GOLPH3L: variants seen among roughly 807,000 people sequenced by gnomAD.
GOLPH3L encodes golgi phosphoprotein 3 like.
A neutral mutation model predicts 30.3 loss-of-function variants in GOLPH3L; 22 were observed. The ratio of observed to expected loss-of-function variants is 0.73; its 90% confidence interval spans 0.52 to 1.04. The LOEUF is 1.04. GOLPH3L is among the 50% of genes least tolerant of loss of function. GOLPH3L has a pLI of 0.00. For missense variants in GOLPH3L, 303 were observed against 345.8 expected, an observed-to-expected ratio of 0.88 and a Z score of 0.98; for synonymous variants, 120 against 128.2, an observed-to-expected ratio of 0.94 and a Z score of 0.43.
chr1:150,680,185 A>C (rs1001027685), intron 2 of GOLPH3L, among the ~76,000 whole-genome samples: 4 of 152,176 alleles, frequency 2.6e-5, no homozygotes, highest in Non-Finnish European at 5.9e-5. Flanking sequence ...CAAAGAGTGC[A>C]GATCTAAGAC....
Position 150,678,942 on chromosome 1 carries a change from C to CA in GOLPH3L, c.184-15180dup, listed in dbSNP as rs587688303. 2.7e-3 allele frequency among the ~76,000 whole-genome samples: 412 copies of CA among 151,810 alleles called. 2 individuals are homozygous for CA. Among genetic ancestry groups the CA allele is most frequent in the Non-Finnish European group, 2.8e-3 (187 of 67,926 alleles). ...CTGGCGAGGGAGCAAGGCTCCGTCT[C>CA]AAAAAAACAAAAAGTTTAAGAATAT... On this transcript the variant is annotated intron_variant, in intron 2 of 4. Coordinates refer to ENST00000271732, the MANE Select transcript of GOLPH3L (RefSeq NM_018178.6).
rs57920857 is a variant in GOLPH3L, at chr1:150,658,241, A to C, written c.430+3573T>G. On this transcript the variant is annotated intron_variant, in intron 4 of 4. Transcript: ENST00000271732. ...CCACCCACCTGAGGGCAGATCAAGAAGCTGTCACAGATGGAGGAAGAAAAC... is the reference window on the plus strand; with the variant it reads ...CCACCCACCTGAGGGCAGATCAAGACGCTGTCACAGATGGAGGAAGAAAAC... Among the ~76,000 whole-genome samples the C allele has an allele frequency of 2.8e-3, 432 of 152,338 alleles. 2 individuals carry two copies. Among genetic ancestry groups the C allele is most frequent in the African/African-American group, 9.8e-3 (407 of 41,580 alleles).
At chr1:150,694,470 C>T (rs986067365) in intron 2 of GOLPH3L, 186 bp downstream of exon 2, 7 of 492,562 alleles carry the variant, frequency 1.4e-5, no homozygotes, top group South Asian at 3.6e-5. Flanking sequence ...ATACACTTCA[C>T]GTAATTCTAC....
At chr1:150,678,958 T>G (rs1650884449) in intron 2 of GOLPH3L, among the ~76,000 whole-genome samples, 3 of 152,156 alleles carry the variant, frequency 2.0e-5, no homozygotes, top group Admixed American at 2.0e-4. Flanking sequence ...AACAAAAAGT[T>G]TAAGAATATT....
chr1:150,651,277 C>G (rs1290374042), intron 4 of GOLPH3L, among the ~76,000 whole-genome samples: 1 of 152,032 alleles, frequency 6.6e-6, no homozygotes, highest in East Asian at 1.9e-4. Context: ...AGTGCCACTG[C>G]ACTCCAGCCT....
rs587718255 is a variant in GOLPH3L at position 150,663,657 on chromosome 1, C to G, written c.290G>C (p.Arg97Pro). ...CTTTCTGTCTAGTAGTCGCTTCTTA[C>G]GCATGGTCGGGGGTTCCAGATAGAT... ...GRIYLEPPTM[R>P]KKRLLDRKVL... Residue 97 changes from arginine to proline, a missense_variant, in exon 3 of 5, where the codon CGT becomes CCT. Arg to Pro is a moderately radical substitution (Grantham distance 103). Transcript: ENST00000271732. The G allele has an allele frequency of 1.2e-6, 2 of 1,613,364 alleles. No homozygotes were observed. Among genetic ancestry groups the G allele is most frequent in the South Asian group, 1.1e-5 (1 of 91,012 alleles).
chr1:150,680,202 A>C (rs1355357338), intron 2 of GOLPH3L, among the ~76,000 whole-genome samples: 1 of 152,154 alleles, frequency 6.6e-6, no homozygotes. Context: ...AGACTGCAAG[A>C]ATTCTTTCAT....
At chr1:150,690,464 TACTC>T (rs887930295) in intron 2 of GOLPH3L, among the ~76,000 whole-genome samples, 4 of 152,234 alleles carry the variant, frequency 2.6e-5, no homozygotes, top group Admixed American at 6.5e-5. Context: ...CATTAAAACA[TACTC>T]ACAAAGAACA....
intron 2 of GOLPH3L, among the ~76,000 whole-genome samples, chr1:150,678,284 C>CAAAAAAAAAAAAAAAAA: frequency 2.2e-5 from 1 of 45,922 alleles, no homozygotes; most frequent in South Asian, 1.5e-3. Context: ...AACTCCGTCT[C>CAAAAAAAAAAAAAAAAA]AAAAAAAAAA....
chr1:150,689,757 A>G (rs1332685601), intron 2 of GOLPH3L, among the ~76,000 whole-genome samples: 2 of 151,694 alleles, frequency 1.3e-5, no homozygotes, highest in East Asian at 1.9e-4. Flanking sequence ...AGATTCTCCC[A>G]TCAGCATAGC....
At chr1:150,694,871 A>C (rs1651313273) in intron 1 of GOLPH3L, 21 bp from the exon 2 acceptor site, 1 of 1,401,742 alleles carries the variant, frequency 7.1e-7, no homozygotes, top group Non-Finnish European at 9.8e-7. Flanking sequence ...TGGTGAAAAA[A>C]AAAATCCATA....
chr1:150,662,046 T>C lies in GOLPH3L; in HGVS notation c.316-118A>G, dbSNP rs910408310. 6.1e-6 allele frequency: 4 copies of C among 658,300 alleles called. No homozygotes were observed. The Admixed American group carries it at 7.0e-5, about 12-fold the overall frequency. 40.8% of individuals were successfully genotyped at this position (658,300 alleles called of 1,614,324 possible). On this transcript the variant is annotated intron_variant, in intron 3 of 4. Transcript: ENST00000271732. ...ATTGCAAGAATGTAAGGAAGCATAA[T>C]ATACTGTCTCTGTCCTCAAGAAGTT...
At chr1:150,693,837 A>G (rs80236781) in intron 2 of GOLPH3L, among the ~76,000 whole-genome samples, 1,341 of 83,580 alleles carry the variant, frequency 0.016, 19 homozygotes, top group Non-Finnish European at 0.026. Flanking sequence ...ATATATATAT[A>G]TATATATATA....
intron 2 of GOLPH3L, among the ~76,000 whole-genome samples, chr1:150,692,138 T>C (rs1478269268): frequency 6.6e-6 from 1 of 152,140 alleles, no homozygotes; most frequent in Non-Finnish European, 1.5e-5. Flanking sequence ...AATGAATCTA[T>C]TGATAGTTTG....
intron 2 of GOLPH3L, among the ~76,000 whole-genome samples, chr1:150,678,199 T>A (rs982152365): frequency 4.4e-5 from 6 of 137,118 alleles, no homozygotes; most frequent in African/African-American, 5.5e-5. Flanking sequence ...CTCGGGAGGC[T>A]GAGGCAGGAG....
chr1:150,685,999 C>T (rs892360156), intron 2 of GOLPH3L, among the ~76,000 whole-genome samples: 1 of 151,156 alleles, frequency 6.6e-6, no homozygotes, highest in South Asian at 2.1e-4. Context: ...CTCAGCCTCC[C>T]GAGTAGCTGA....
intron 4 of GOLPH3L, 80 bp downstream of exon 4, chr1:150,661,734 C>T (rs1244250106): frequency 2.9e-5 from 22 of 762,390 alleles, no homozygotes; most frequent in African/African-American, 6.9e-5. Context: ...CGATGAATTT[C>T]GGTACATCTT....
intron 2 of GOLPH3L, among the ~76,000 whole-genome samples, chr1:150,693,385 T>G (rs926077620): frequency 6.6e-6 from 1 of 152,190 alleles, no homozygotes; most frequent in African/African-American, 2.4e-5. Flanking sequence ...AAAGCCAAAT[T>G]TAGTACTTTT....
At position 150,694,324 on chromosome 1, in the gene GOLPH3L, T is replaced by C. The variant is rs186209953; in HGVS notation, c.183+332A>G. ...CTCAAAGCTGAAGAAGACTTCAGTGTGTGGGCCCTTGTTCTTACTTTAATA... is the reference window on the plus strand; with the variant it reads ...CTCAAAGCTGAAGAAGACTTCAGTGCGTGGGCCCTTGTTCTTACTTTAATA... On this transcript the variant is annotated intron_variant, in intron 2 of 4. Transcript: ENST00000271732. Among the ~76,000 whole-genome samples the C allele has an allele frequency of 3.3e-5, 5 of 152,306 alleles. No homozygotes were observed. In the East Asian group the frequency reaches 7.7e-4, roughly 23 times the overall value.
Sources: gnomAD v4.1 joint callset for allele counts (sites outside exome capture counted in the v4.1 genomes callset) on GRCh38, gnomAD v4.1.1 for gene constraint, MANE v1.5 for transcripts, NCBI Gene and HGNC (gene_info 2026-07-23, HGNC 2026-07-21) for gene names.